Variants in MYZAP observed in about 807,000 individuals in gnomAD.
The protein encoded by MYZAP is myocardial zonula adherens protein, also known as GRINL1A complex locus upstream.
Under a neutral mutation model 69.4 loss-of-function variants are expected in MYZAP, and 66 were observed. The ratio of observed to expected loss-of-function variants is 0.95; its 90% confidence interval spans 0.78 to 1.17. The LOEUF is 1.17. Among genes scored for constraint, MYZAP ranks in the 50% most tolerant of loss-of-function variants. The pLI is 0.00. For synonymous variants in MYZAP, 256 were observed against 205.9 expected, an observed-to-expected ratio of 1.24 and a Z score of -2.09; for missense variants, 611 against 556.2, an observed-to-expected ratio of 1.10 and a Z score of -0.99.
Position 57,629,829 on chromosome 15 carries a change from T to A in MYZAP, c.653T>A (p.Val218Asp). ...EKQRQLEVAQ[V>D]ENQLLKMKVE... ...CAGAGGCAGTTGGAGGTAGCGCAAG[T>A]TGAAAACCAGCTGCTAAAAATGAAG... Residue 218 changes from valine to aspartate, a missense_variant, in exon 6 of 13, where the codon GTT becomes GAT. Coordinates refer to ENST00000267853, the MANE Select transcript of MYZAP (RefSeq NM_001018100.5). 6.2e-7 allele frequency: 1 copy of A among 1,613,758 alleles called. No individual in the cohort carries two copies. The highest frequency in any genetic ancestry group is 8.5e-7 in the Non-Finnish European group (1 of 1,179,938).
At chr15:57,610,051 T>A (rs1478842077) in intron 2 of MYZAP, among the ~76,000 whole-genome samples, 1 of 152,194 alleles carries the variant, frequency 6.6e-6, no homozygotes, top group African/African-American at 2.4e-5. Context: ...CTGAGTTGAT[T>A]CTGCGTCTTT....
At chr15:57,680,910 C>T (rs963353932) in intron 12 of MYZAP, 1 of 152,188 alleles carries the variant, frequency 6.6e-6, no homozygotes, top group Admixed American at 6.5e-5. Flanking sequence ...GGGAACTGCC[C>T]CTTTATTGAT....
chr15:57,629,891 T>G (rs1246679614), intron 6 of MYZAP, 37 bp downstream of exon 6: 2 of 1,596,468 alleles, frequency 1.3e-6, no homozygotes, highest in East Asian at 4.5e-5. Context: ...TTCTATGAAC[T>G]TTTCTCCTCT....
chr15:57,665,870 G>A (rs2038544931), intron 11 of MYZAP, among the ~76,000 whole-genome samples: 1 of 152,128 alleles, frequency 6.6e-6, no homozygotes, highest in Non-Finnish European at 1.5e-5. Context: ...ATGTAACTCT[G>A]CAGTTATACC....
intron 12 of MYZAP, among the ~76,000 whole-genome samples, chr15:57,680,201 T>C (rs1157268568): frequency 6.6e-6 from 1 of 152,188 alleles, no homozygotes; most frequent in East Asian, 1.9e-4. Context: ...TTGCAGTCAC[T>C]TCTGAGTCAG....
chr15:57,616,707 G>A (rs757842667), intron 2 of MYZAP, among the ~76,000 whole-genome samples: 3 of 151,424 alleles, frequency 2.0e-5, no homozygotes, highest in Non-Finnish European at 4.4e-5. Context: ...TGACTTGGAA[G>A]ACTGAGGCAG....
In MYZAP at chr15:57,674,138, AT is replaced by A. The variant is rs146413303; in HGVS notation, c.1204-820del. Among the ~76,000 whole-genome samples the A allele has an allele frequency of 7.9e-4, 119 of 149,800 alleles. 3 individuals are homozygous for A. The highest frequency in any genetic ancestry group is 2.6e-3 in the African/African-American group (107 of 40,966). ...AACCACTGTTCACTTCTTTCTGAAT[AT>A]TTTTTTTTTGGCATTTTTGCCCTTC... is the stretch of plus-strand genomic sequence containing the variant. On this transcript the variant is annotated intron_variant, in intron 11 of 12. Coordinates refer to ENST00000267853, the MANE Select transcript of MYZAP (RefSeq NM_001018100.5).
intron 11 of MYZAP, among the ~76,000 whole-genome samples, chr15:57,662,634 C>T (rs867297721): frequency 4.6e-5 from 7 of 152,136 alleles, no homozygotes; most frequent in East Asian, 1.9e-4. Flanking sequence ...TAATTTTAAA[C>T]GTATTATTGT....
intron 1 of MYZAP, among the ~76,000 whole-genome samples, chr15:57,598,173 T>G (rs10851618): frequency 0.088 from 13,343 of 152,098 alleles, 691 homozygotes; most frequent in Admixed American, 0.13. Flanking sequence ...ATCCGCAGAG[T>G]ACCCCGTAGG....
At chr15:57,680,204 T>A (rs2039361013) in intron 12 of MYZAP, among the ~76,000 whole-genome samples, 1 of 152,208 alleles carries the variant, frequency 6.6e-6, no homozygotes, top group Admixed American at 6.5e-5. Flanking sequence ...CAGTCACTTC[T>A]GAGTCAGAGA....
chr15:57,653,355 G>A (rs1275578243), intron 10 of MYZAP, among the ~76,000 whole-genome samples: 1 of 152,020 alleles, frequency 6.6e-6, no homozygotes, highest in Non-Finnish European at 1.5e-5. Context: ...AGAAATCCAG[G>A]GAAATGGTGA....
chr15:57,639,312 G>T, intron 9 of MYZAP, 128 bp from the exon 10 acceptor site: 5 of 1,000,000 alleles, frequency 5.0e-6, no homozygotes, highest in Non-Finnish European at 7.3e-6. Flanking sequence ...CTCTTGAAGT[G>T]TTGGGATTAC....
intron 10 of MYZAP, among the ~76,000 whole-genome samples, chr15:57,651,057 C>G (rs1324989966): frequency 1.3e-5 from 2 of 152,162 alleles, no homozygotes; most frequent in African/African-American, 4.8e-5. Flanking sequence ...AGTGGTGGCT[C>G]TGGCCAGTGG....
intron 10 of MYZAP, chr15:57,646,262 C>T: frequency 1.6e-6 from 2 of 1,286,126 alleles, no homozygotes; most frequent in South Asian, 2.5e-5. Flanking sequence ...CTTGTACACT[C>T]TCTGCTGGGA....
chr15:57,639,522 A>G lies in MYZAP; in HGVS notation c.1096A>G (p.Lys366Glu). 6.2e-7 allele frequency: 1 copy of G among 1,613,994 alleles called. No individual in the cohort carries two copies. The highest frequency in any genetic ancestry group is 8.5e-7 in the Non-Finnish European group (1 of 1,179,942). The change falls in exon 10 of 13, where the codon AAA becomes GAA. Residue 366 changes from lysine (K) to glutamate (E), a missense_variant. Transcript: ENST00000267853. ...LDDMVHCQQKKVKQMVEEIES... is the reference protein window; with the variant it reads ...LDDMVHCQQKEVKQMVEEIES... ...TGACATGGTGCATTGCCAGCAGAAG[A>G]AAGTCAAGCAGATGGTCGAGGAGGT...
intron 12 of MYZAP, 93 bp from the exon 13 acceptor site, chr15:57,684,309 A>G (rs2039584685): frequency 6.2e-6 from 5 of 808,632 alleles, no homozygotes; most frequent in Non-Finnish European, 1.0e-5. Flanking sequence ...TTAAACACTT[A>G]AACACCATTT....
Position 57,676,594 on chromosome 15 carries a change from C to G in MYZAP, c.1304+1526C>G, listed in dbSNP as rs115315922. Reference sequence around the variant, plus strand: ...ATTTAAATAATTTGGCCGTTTCCCCCCTTTTTGTATTTTTCAAAAGCCAAG... The same window carrying G: ...ATTTAAATAATTTGGCCGTTTCCCCGCTTTTTGTATTTTTCAAAAGCCAAG... On this transcript the variant is annotated intron_variant, in intron 12 of 12. Transcript: ENST00000267853. 3.3e-5 allele frequency among the ~76,000 whole-genome samples: 5 copies of G among 151,912 alleles called. No individual in the cohort carries two copies. In the East Asian group the frequency reaches 5.8e-4, roughly 18 times the overall value.
intron 11 of MYZAP, among the ~76,000 whole-genome samples, chr15:57,667,498 G>C (rs911579921): frequency 1.3e-5 from 2 of 152,232 alleles, no homozygotes; most frequent in African/African-American, 4.8e-5. Context: ...CTCAATCCCA[G>C]AAGCAATCTT....
chr15:57,599,717 C>A (rs2034294865), intron 1 of MYZAP: 5 of 1,287,938 alleles, frequency 3.9e-6, no homozygotes, highest in Non-Finnish European at 5.1e-6. Flanking sequence ...AGGAATGCTG[C>A]CTTGATGTTA....
Sources: allele counts gnomAD v4.1 joint callset (sites outside exome capture counted in the v4.1 genomes callset), GRCh38; gene constraint gnomAD v4.1.1; transcripts MANE v1.5; gene names NCBI Gene and HGNC (gene_info 2026-07-23, HGNC 2026-07-21).